The following CDKL5 variants were observed in gnomAD, a reference collection of about 807,000 sequenced individuals.
The protein encoded by CDKL5 is cyclin-dependent kinase-like 5.
Under a neutral mutation model 61.7 loss-of-function variants are expected in CDKL5, and 8 were observed. The observed-to-expected ratio is 0.13, with a 90% confidence interval of 0.08 to 0.23. CDKL5 has a LOEUF of 0.23. CDKL5 is among the 10% of genes least tolerant of loss of function. The pLI is 1.00. For synonymous variants in CDKL5, 275 were observed against 272.3 expected, an observed-to-expected ratio of 1.01 and a Z score of -0.10; for missense variants, 440 against 734.5, an observed-to-expected ratio of 0.60 and a Z score of 4.63.
intron 1 of CDKL5, among the ~76,000 whole-genome samples, chrX:18,493,655 G>A (rs777744398): frequency 9.0e-6 from 1 of 111,530 alleles, no homozygotes; most frequent in African/African-American, 3.2e-5. Flanking sequence ...CCTTTTTCAT[G>A]TGAAGTTTAT....
intron 2 of CDKL5, among the ~76,000 whole-genome samples, chrX:18,509,091 A>AAC (rs34278137): frequency 0.058 from 4,335 of 74,817 alleles, 343 homozygotes; most frequent in Non-Finnish European, 0.07. Flanking sequence ...ACTGTCTCAA[A>AAC]ACACACACAC....
At chrX:18,473,498 T>C (rs1261888228) in intron 1 of CDKL5, among the ~76,000 whole-genome samples, 1 of 109,825 alleles carries the variant, frequency 9.1e-6, no homozygotes, top group African/African-American at 3.3e-5. Context: ...TCTTGTCCAG[T>C]AGGATATGAA....
intron 1 of CDKL5, among the ~76,000 whole-genome samples, chrX:18,476,098 C>T (rs1358114344): frequency 8.9e-6 from 1 of 112,033 alleles, no homozygotes; most frequent in African/African-American, 3.2e-5. Flanking sequence ...CTGTGCTCAT[C>T]CAAATTTTCT....
At chrX:18,541,557 G>T (rs759924387) in intron 3 of CDKL5, among the ~76,000 whole-genome samples, 49 of 111,485 alleles carry the variant, frequency 4.4e-4, no homozygotes, top group Non-Finnish European at 7.7e-4. Flanking sequence ...TTGAGACAGG[G>T]TGTCACTCTA....
At chrX:18,462,749 C>T (rs1310483154) in intron 1 of CDKL5, among the ~76,000 whole-genome samples, 6 of 111,593 alleles carry the variant, frequency 5.4e-5, no homozygotes, top group Admixed American at 9.5e-5. Flanking sequence ...GGAGGCCGGG[C>T]GTGGTGGCTC....
chrX:18,617,606 C>A (rs762269135), intron 15 of CDKL5, among the ~76,000 whole-genome samples: 1 of 112,143 alleles, frequency 8.9e-6, no homozygotes, highest in South Asian at 3.8e-4. Context: ...ACTCTGTCAG[C>A]CTTTTCTCCC....
chrX:18,448,980 G>C (rs1291481344), intron 1 of CDKL5, among the ~76,000 whole-genome samples: 1 of 111,594 alleles, frequency 9.0e-6, no homozygotes, highest in Non-Finnish European at 1.9e-5. Context: ...TCAGCCTCCT[G>C]AGTAGCTGGG....
chrX:18,614,000 A>G (rs1384143323), intron 15 of CDKL5, among the ~76,000 whole-genome samples: 1 of 112,120 alleles, frequency 8.9e-6, no homozygotes, highest in Non-Finnish European at 1.9e-5. Context: ...TTTAAGAAAA[A>G]TAATAATGTA....
At chrX:18,481,945 G>A (rs1057173954) in intron 1 of CDKL5, among the ~76,000 whole-genome samples, 1 of 110,367 alleles carries the variant, frequency 9.1e-6, no homozygotes, top group African/African-American at 3.3e-5. Flanking sequence ...TGCTCCTGGG[G>A]AGAAACTTTC....
chrX:18,582,598 T>C (rs926418676), intron 7 of CDKL5, among the ~76,000 whole-genome samples: 2 of 111,814 alleles, frequency 1.8e-5, no homozygotes, highest in Admixed American at 9.5e-5. Context: ...ATAATAGTTT[T>C]GCCTAACCTG....
intron 11 of CDKL5, 130 bp downstream of exon 11, chrX:18,598,743 T>G (rs1296347747): frequency 1.4e-5 from 9 of 635,086 alleles, no homozygotes; most frequent in Admixed American, 2.5e-5. Flanking sequence ...ATCTTCCTTA[T>G]GCTTATTGCA....
intron 3 of CDKL5, among the ~76,000 whole-genome samples, chrX:18,555,675 T>C: frequency 8.9e-6 from 1 of 112,474 alleles, no homozygotes; most frequent in Non-Finnish European, 1.9e-5. Context: ...TGTTATACTT[T>C]TTAGCTTTTG....
rs138422192 is a variant in CDKL5, at chrX:18,467,891, G to A, written c.-162-39044G>A. 4.4e-3 allele frequency among the ~76,000 whole-genome samples: 490 copies of A among 111,374 alleles called. 2 individuals carry two copies. The highest frequency in any genetic ancestry group is 0.042 in the Middle Eastern group (9 of 215). On this transcript the variant is annotated intron_variant, in intron 1 of 17. Transcript: ENST00000623535. ...CACCTTTTTTTTTGTCTTTCACTGC[G>A]GTTTACATGTGATAGGTGTTTGATT...
chrX:18,646,032 G>C lies in CDKL5; in HGVS notation c.2739G>C (p.Gln913His), dbSNP rs587783160. 6.9e-5 allele frequency: 83 copies of C among 1,210,208 alleles called. No individual in the cohort carries two copies. The highest frequency in any genetic ancestry group is 9.0e-5 in the Non-Finnish European group (81 of 895,324). The change falls in exon 20 of 22, where the codon CAG (glutamine) becomes CAC (histidine). Residue 913 changes from glutamine to histidine, a missense_variant. Physicochemically the swap from Gln to His is conservative, Grantham distance 24. Coordinates refer to the CDKL5 transcript ENST00000379989. The stretch of plus-strand genomic sequence containing the variant: ...ACGGTGGATGTGATGGCAGAAGACA[G>C]AGACACCATTCTGGACCCCAAGATA...
At chrX:18,572,020 G>A (rs1282291480) in intron 4 of CDKL5, among the ~76,000 whole-genome samples, 1 of 111,627 alleles carries the variant, frequency 9.0e-6, no homozygotes, top group African/African-American at 3.3e-5. Context: ...ATACAGATTC[G>A]AATAATGTAT....
In CDKL5 at chrX:18,518,385, C is replaced by CTTTTTTTTTTTTT. The variant is rs1195931109; in HGVS notation, c.99+7533_99+7534insTTTTTTTTTTTTT. ...ATAAAGTCATGTTTTCTTTTCTTTT[C>CTTTTTTTTTTTTT]TTATTTTTTTTTTTTTTTTTTTTTT... On this transcript the variant is annotated intron_variant, in intron 3 of 17. Coordinates refer to ENST00000623535, the MANE Select transcript of CDKL5 (RefSeq NM_001323289.2). Among the ~76,000 whole-genome samples, 18 of 22,790 alleles carry CTTTTTTTTTTTTT rather than the reference C, an allele frequency of 7.9e-4. 2 individuals are homozygous for CTTTTTTTTTTTTT. Among genetic ancestry groups the CTTTTTTTTTTTTT allele is most frequent in the African/African-American group, 2.6e-3 (17 of 6,573 alleles). 19.8% of individuals were successfully genotyped at this position (22,790 alleles called of 115,157 possible). A position where few individuals can be genotyped will look rare whatever the true frequency, so the allele number is the denominator to read the frequency against.
At chrX:18,626,516 T>C in intron 17 of CDKL5, among the ~76,000 whole-genome samples, 1 of 110,876 alleles carries the variant, frequency 9.0e-6, no homozygotes, top group Middle Eastern at 4.6e-3. Flanking sequence ...GAACCAGATA[T>C]CCAAGTTTAT....
Position 18,636,673 on chromosome X carries a change from A to C in CDKL5, c.*7916A>C, listed in dbSNP as rs1276953377. 1 of 111,680 alleles carries C rather than the reference A, an allele frequency of 9.0e-6. No homozygotes were observed. The highest frequency in any genetic ancestry group is 3.3e-5 in the African/African-American group (1 of 30,715). The allele number at this position is 111,680 out of a possible 1,213,427, so 9.2% of individuals were successfully genotyped here. A position where few individuals can be genotyped will look rare whatever the true frequency, so the allele number is the denominator to read the frequency against. On this transcript the variant is annotated 3_prime_UTR_variant, in exon 18 of 18. Coordinates refer to ENST00000623535, the MANE Select transcript of CDKL5 (RefSeq NM_001323289.2). The stretch of plus-strand genomic sequence containing the variant: ...AAAAACAGTTTCCAACACAGGTTAT[A>C]TTAAAAACTTTGCCTGAAGTTTACT...
At chrX:18,479,314 C>CTTT (rs761687087) in intron 1 of CDKL5, among the ~76,000 whole-genome samples, 118 of 66,547 alleles carry the variant, frequency 1.8e-3, no homozygotes, top group Non-Finnish European at 2.5e-3. Flanking sequence ...GCCACTATTT[C>CTTT]TTTTTTTTTT....
Sources: allele counts gnomAD v4.1 joint callset (sites outside exome capture counted in the v4.1 genomes callset), GRCh38; gene constraint gnomAD v4.1.1; transcripts MANE v1.5; gene names NCBI Gene and HGNC (gene_info 2026-07-23, HGNC 2026-07-21).